Variants in NLGN1 observed in about 807,000 individuals in gnomAD.
The protein encoded by NLGN1 is neuroligin-1.
In NLGN1, 12 loss-of-function variants were observed where a neutral mutation model predicts 65.5. The observed-to-expected ratio is 0.18, with a 90% CI of 0.12 to 0.30. The LOEUF (loss-of-function observed/expected upper bound fraction) is 0.30. Ranked by LOEUF, NLGN1 falls within the 10% of genes least tolerant of loss-of-function variation. The pLI, the probability that NLGN1 is intolerant of heterozygous loss-of-function variation, is 1.00. For synonymous variants in NLGN1, 350 were observed against 359.5 expected (o/e 0.97, Z 0.30); for missense variants, 750 against 1,007.1 (o/e 0.74, Z 3.46).
chr3:173,637,392 A>T (rs938751155), intron 3 of NLGN1, among the ~76,000 whole-genome samples: 1 of 152,188 alleles, frequency 6.6e-6, no homozygotes, highest in Non-Finnish European at 1.5e-5. Context: ...TCTGAATAAC[A>T]TTTAAACTAA....
chr3:173,883,139 A>G (rs1733655507), intron 4 of NLGN1, among the ~76,000 whole-genome samples: 2 of 148,946 alleles, frequency 1.3e-5, no homozygotes, highest in South Asian at 4.2e-4. Context: ...TGTCTTTCTC[A>G]CTATGTTTAA....
At chr3:173,804,293 T>G (rs1034997236) in intron 3 of NLGN1, among the ~76,000 whole-genome samples, 3 of 152,164 alleles carry the variant, frequency 2.0e-5, no homozygotes, top group African/African-American at 7.2e-5. Context: ...GTTAGTATTT[T>G]AAAATTTCTG....
chr3:174,018,129 A>T (rs986494232), intron 4 of NLGN1, among the ~76,000 whole-genome samples: 1 of 152,058 alleles, frequency 6.6e-6, no homozygotes, highest in Non-Finnish European at 1.5e-5. Context: ...TATTTCTCCT[A>T]TTTGCTTTTG....
intron 3 of NLGN1, among the ~76,000 whole-genome samples, chr3:173,752,527 C>T (rs1334488256): frequency 6.6e-6 from 1 of 152,064 alleles, no homozygotes; most frequent in Non-Finnish European, 1.5e-5. Context: ...ACCAACTCTT[C>T]CTTATTTATC....
At chr3:173,687,774 A>G (rs1764891132) in intron 3 of NLGN1, among the ~76,000 whole-genome samples, 1 of 152,210 alleles carries the variant, frequency 6.6e-6, no homozygotes, top group Non-Finnish European at 1.5e-5. Context: ...ACTCTACAGG[A>G]ATGTTTCTTG....
chr3:173,586,787 T>G (rs1747529237), intron 2 of NLGN1, among the ~76,000 whole-genome samples: 2 of 152,202 alleles, frequency 1.3e-5, no homozygotes, highest in South Asian at 4.1e-4. Context: ...GTTAGTCTCT[T>G]TTTACTCTGC....
intron 4 of NLGN1, among the ~76,000 whole-genome samples, chr3:174,242,569 T>C (rs768905607): frequency 7.9e-5 from 12 of 151,998 alleles, no homozygotes; most frequent in African/African-American, 2.7e-4. Context: ...AATTATGAAG[T>C]GTGCATGCAA....
intron 2 of NLGN1, among the ~76,000 whole-genome samples, chr3:173,551,555 T>A (rs1369538264): frequency 6.6e-6 from 1 of 152,230 alleles, no homozygotes; most frequent in African/African-American, 2.4e-5. Flanking sequence ...AGTTCACATT[T>A]AAAAAAATCA....
At position 173,643,209 on chromosome 3, in the gene NLGN1, A is replaced by G. The variant is rs957665324; in HGVS notation, c.493+38118A>G. Among the ~76,000 whole-genome samples, 15 of 152,364 alleles carry G rather than the reference A, an allele frequency of 9.8e-5. No homozygotes were observed. In the East Asian group the frequency reaches 2.7e-3, roughly 27 times the overall value. On this transcript the variant is annotated intron_variant, in intron 3 of 6. Coordinates refer to ENST00000457714, the Ensembl canonical transcript of NLGN1. ...CAACTTTAAGAGACCTCATATGTGCATAACTGAATTCTCTAAAGCAGAGTA... is the reference window on the plus strand; with the variant it reads ...CAACTTTAAGAGACCTCATATGTGCGTAACTGAATTCTCTAAAGCAGAGTA...
At chr3:173,485,155 A>G (rs1316338650) in intron 2 of NLGN1, among the ~76,000 whole-genome samples, 1 of 148,938 alleles carries the variant, frequency 6.7e-6, no homozygotes, top group African/African-American at 2.5e-5. Flanking sequence ...TGCAAAAACT[A>G]CCATTTTTAA....
At chr3:173,638,191 A>ATTT (rs879275103) in intron 3 of NLGN1, among the ~76,000 whole-genome samples, 1 of 144,720 alleles carries the variant, frequency 6.9e-6, no homozygotes, top group Non-Finnish European at 1.5e-5. Flanking sequence ...CATTTGTTAG[A>ATTT]TTTTTTTTTT....
At chr3:174,020,907 T>C (rs750192326) in intron 4 of NLGN1, among the ~76,000 whole-genome samples, 2 of 152,058 alleles carry the variant, frequency 1.3e-5, no homozygotes, top group Non-Finnish European at 2.9e-5. Context: ...CATTTAGAAG[T>C]GTGGTCTGTG....
intron 4 of NLGN1, among the ~76,000 whole-genome samples, chr3:174,212,118 C>G (rs529717680): frequency 6.6e-6 from 1 of 152,182 alleles, no homozygotes. Flanking sequence ...CCCTGCCCCG[C>G]GGGAGGGCAG....
intron 4 of NLGN1, among the ~76,000 whole-genome samples, chr3:174,040,291 T>G (rs1022132873): frequency 8.5e-5 from 13 of 152,090 alleles, no homozygotes; most frequent in African/African-American, 3.1e-4. Flanking sequence ...AGTCTGTTAC[T>G]AGGTGAGGTC....
intron 4 of NLGN1, chr3:174,202,791 A>AAT (rs1002999974): frequency 5.9e-5 from 9 of 152,178 alleles, no homozygotes; most frequent in African/African-American, 2.2e-4. Flanking sequence ...TTCAAGAATA[A>AAT]ATATCGCAGC....
intron 4 of NLGN1, among the ~76,000 whole-genome samples, chr3:174,207,531 T>C (rs1217470000): frequency 6.6e-6 from 1 of 152,222 alleles, no homozygotes; most frequent in Non-Finnish European, 1.5e-5. Flanking sequence ...CCAAGCCAAA[T>C]GTGTGAACTG....
intron 3 of NLGN1, among the ~76,000 whole-genome samples, chr3:173,632,821 G>C (rs1269711975): frequency 6.8e-6 from 1 of 146,774 alleles, no homozygotes; most frequent in Non-Finnish European, 1.5e-5. Flanking sequence ...TTTTAGAGAA[G>C]TCCTCCTTGA....
At chr3:174,208,578 A>C (rs1335124076) in intron 4 of NLGN1, among the ~76,000 whole-genome samples, 1 of 152,064 alleles carries the variant, frequency 6.6e-6, no homozygotes, top group Non-Finnish European at 1.5e-5. Flanking sequence ...TAGCTGGCCT[A>C]AGTAGCTTGT....
intron 4 of NLGN1, among the ~76,000 whole-genome samples, chr3:173,994,465 C>CAAAAAAAAAAAA (rs1170577220): frequency 1.8e-4 from 6 of 32,914 alleles, no homozygotes; most frequent in African/African-American, 4.6e-4. Context: ...TTGAGAAAAG[C>CAAAAAAAAAAAA]AAAAAAAAAA....
Sources: gnomAD v4.1 joint callset for allele counts (sites outside exome capture counted in the v4.1 genomes callset) on GRCh38, gnomAD v4.1.1 for gene constraint, MANE v1.5 for transcripts, NCBI Gene and HGNC (gene_info 2026-07-23, HGNC 2026-07-21) for gene names.